ATP13A4: variants seen among roughly 807,000 people sequenced by gnomAD.
ATP13A4 encodes the protein ATPase 13A4.
ATP13A4 carries 114 observed loss-of-function variants against 142.5 expected under a neutral mutation model. The observed-to-expected ratio is 0.80, with a 90% CI of 0.69 to 0.93. The LOEUF is 0.93. ATP13A4 is among the 40% of genes least tolerant of loss of function. ATP13A4 has a pLI of 0.00. For synonymous variants in ATP13A4, 488 were observed against 514.8 expected (o/e 0.95, Z 0.70); for missense variants, 1,392 against 1,454.0 (o/e 0.96, Z 0.69).
intron 11 of ATP13A4, 80 bp downstream of exon 11, chr3:193,465,945 A>G (rs1245723096): frequency 3.8e-6 from 6 of 1,567,482 alleles, no homozygotes; most frequent in Non-Finnish European, 4.4e-6. Context: ...ACCACATCCT[A>G]GGTTAAGGCC....
At chr3:193,495,344 T>C (rs893320446) in intron 3 of ATP13A4, among the ~76,000 whole-genome samples, 3 of 152,022 alleles carry the variant, frequency 2.0e-5, no homozygotes, top group Admixed American at 1.3e-4. Context: ...AAGCAAAAAT[T>C]GTCAACAAAA....
At chr3:193,586,873 T>C (rs1724681470) in intron 1 of ATP13A4, among the ~76,000 whole-genome samples, 1 of 152,228 alleles carries the variant, frequency 6.6e-6, no homozygotes, top group Non-Finnish European at 1.5e-5. Context: ...ATAATTAGTG[T>C]CTGCTGGGAT....
chr3:193,510,485 C>G (rs556204400), intron 2 of ATP13A4, among the ~76,000 whole-genome samples: 1 of 152,264 alleles, frequency 6.6e-6, no homozygotes, highest in East Asian at 1.9e-4. Context: ...AAATCAGGAG[C>G]ATCTGAATTC....
intron 1 of ATP13A4, among the ~76,000 whole-genome samples, chr3:193,515,344 C>T (rs1721349556): frequency 6.6e-6 from 1 of 152,190 alleles, no homozygotes; most frequent in Non-Finnish European, 1.5e-5. Context: ...GAGCTGACAG[C>T]AGCACCAAGA....
chr3:193,475,252 TC>T (rs1227583963), intron 8 of ATP13A4, among the ~76,000 whole-genome samples: 2 of 152,038 alleles, frequency 1.3e-5, no homozygotes, highest in East Asian at 3.9e-4. Context: ...AAATGTTTTT[TC>T]AATAGAGGAT....
At chr3:193,444,291 C>T (rs1471259392) in intron 18 of ATP13A4, among the ~76,000 whole-genome samples, 1 of 152,148 alleles carries the variant, frequency 6.6e-6, no homozygotes, top group Non-Finnish European at 1.5e-5. Flanking sequence ...GTGCTGACTT[C>T]ATCTTTCACT....
intron 2 of ATP13A4, among the ~76,000 whole-genome samples, chr3:193,512,670 C>T (rs1039488881): frequency 3.3e-5 from 5 of 152,130 alleles, no homozygotes; most frequent in African/African-American, 1.2e-4. Flanking sequence ...CAAGCTGTTC[C>T]GATAGCCTCT....
chr3:193,556,186 A>T (rs74531767), upstream of ATP13A4, among the ~76,000 whole-genome samples: 1 of 152,200 alleles, frequency 6.6e-6, no homozygotes, highest in African/African-American at 2.4e-5. Context: ...TGATGATAAT[A>T]GAACCTACGT....
Position 193,514,847 on chromosome 3 carries a change from C to T in ATP13A4, c.85G>A (p.Gly29Ser). The T allele has an allele frequency of 6.2e-7, 1 of 1,614,168 alleles. No individual in the cohort carries two copies. The highest frequency in any genetic ancestry group is 8.5e-7 in the Non-Finnish European group (1 of 1,180,010). The change falls in exon 2 of 30, where the codon GGC (glycine) becomes AGC (serine). Residue 29 changes from glycine to serine, a missense_variant. Coordinates refer to ENST00000342695, the MANE Select transcript of ATP13A4 (RefSeq NM_032279.4). ...GCAAGGCAGAGACTTTTCCGGCAGC[C>T]TTGAGTCCGATAGCCAAATATCTCC... is the stretch of plus-strand genomic sequence containing the variant. ...EMEIFGYRTQ[G>S]CRKSLCLAGS...
chr3:193,436,973 G>A lies in ATP13A4; in HGVS notation c.2673-1229C>T, dbSNP rs1406056103. 1.3e-4 allele frequency among the ~76,000 whole-genome samples: 20 copies of A among 148,450 alleles called. No homozygotes were observed. In the East Asian group the frequency reaches 2.8e-3, roughly 21 times the overall value. On this transcript the variant is annotated intron_variant, in intron 23 of 29. Transcript: ENST00000342695. ...CAAAAAATTAGCCGGGCGTGGTGGCGGGCGCCTGTAGTCCCAGCTACTTGG... is the reference window on the plus strand; with the variant it reads ...CAAAAAATTAGCCGGGCGTGGTGGCAGGCGCCTGTAGTCCCAGCTACTTGG...
At chr3:193,478,983 T>C (rs1343595808) in intron 8 of ATP13A4, among the ~76,000 whole-genome samples, 2 of 152,162 alleles carry the variant, frequency 1.3e-5, no homozygotes, top group African/African-American at 4.8e-5. Flanking sequence ...TCAATAAATG[T>C]GATACACCAC....
At chr3:193,458,129 TA>T (rs1159894148) in intron 14 of ATP13A4, among the ~76,000 whole-genome samples, 1 of 152,180 alleles carries the variant, frequency 6.6e-6, no homozygotes, top group Non-Finnish European at 1.5e-5. Context: ...TGCTATGAAA[TA>T]ATGCTCCAGG....
intron 25 of ATP13A4, among the ~76,000 whole-genome samples, chr3:193,431,603 A>ATG (rs139137306): frequency 0.065 from 9,516 of 147,010 alleles, 362 homozygotes; most frequent in African/African-American, 0.1. Flanking sequence ...CTATATATGC[A>ATG]TGTGTGTGTG....
At chr3:193,582,424 G>C (rs1452532856) in intron 1 of ATP13A4, among the ~76,000 whole-genome samples, 3 of 148,438 alleles carry the variant, frequency 2.0e-5, no homozygotes, top group Non-Finnish European at 4.5e-5. Flanking sequence ...TGGGACTACA[G>C]GCGTGAGCCA....
At chr3:193,552,924 A>G (rs977500219) in intron 1 of ATP13A4, among the ~76,000 whole-genome samples, 3 of 152,220 alleles carry the variant, frequency 2.0e-5, no homozygotes, top group African/African-American at 7.2e-5. Flanking sequence ...ACTACAAAAT[A>G]TGTAGACTAT....
chr3:193,545,004 ACT>A (rs1377914103), intron 1 of ATP13A4, among the ~76,000 whole-genome samples: 1 of 152,162 alleles, frequency 6.6e-6, no homozygotes, highest in Non-Finnish European at 1.5e-5. Context: ...GAAGAGAGAA[ACT>A]CATAATATAT....
intron 22 of ATP13A4, 129 bp downstream of exon 22, chr3:193,438,894 G>A: frequency 5.0e-6 from 5 of 1,004,342 alleles, no homozygotes; most frequent in Non-Finnish European, 8.0e-6. Context: ...TATATGCCAG[G>A]AGTATACCTC....
rs969325215 is a variant in ATP13A4, at chr3:193,433,929, A to T, written c.2770-12T>A. 18 of 1,609,188 alleles carry T rather than the reference A, an allele frequency of 1.1e-5. No individual in the cohort carries two copies. The highest frequency in any genetic ancestry group is 1.7e-4 in the Middle Eastern group (1 of 6,054). On this transcript the variant is annotated splice_polypyrimidine_tract_variant and intron_variant, in intron 24 of 29. Coordinates refer to ENST00000342695, the MANE Select transcript of ATP13A4 (RefSeq NM_032279.4). ...AGGCTGTTTGTCTCCTGAAAATAAA[A>T]AGAAAGCAGATCAAAAAAGTTGTGA...
At chr3:193,461,412 G>A (rs1717937482) in intron 13 of ATP13A4, among the ~76,000 whole-genome samples, 1 of 152,156 alleles carries the variant, frequency 6.6e-6, no homozygotes, top group Non-Finnish European at 1.5e-5. Flanking sequence ...TTTTGCAGAA[G>A]CTGAAACAGA....
Sources: allele counts gnomAD v4.1 joint callset (sites outside exome capture counted in the v4.1 genomes callset), GRCh38; gene constraint gnomAD v4.1.1; transcripts MANE v1.5; gene names NCBI Gene and HGNC (gene_info 2026-07-23, HGNC 2026-07-21).